Variants in EFCAB13 observed in about 807,000 individuals in gnomAD.
EFCAB13 encodes EF-hand calcium binding domain 13, also known as EF-hand calcium-binding domain-containing protein 13.
Under a neutral mutation model 110.2 loss-of-function variants are expected in EFCAB13, and 91 were observed. The observed-to-expected ratio is 0.83, with a 90% confidence interval of 0.70 to 0.98. The LOEUF is 0.98. EFCAB13 is among the 50% of genes least tolerant of loss of function. The probability of loss-of-function intolerance (pLI) is 0.00; values close to 1 mark genes in which losing one functional copy is unlikely to be tolerated. For missense variants in EFCAB13, 968 were observed against 1,119.4 expected, an observed-to-expected ratio of 0.86 and a Z score of 1.93; for synonymous variants, 323 against 369.9, an observed-to-expected ratio of 0.87 and a Z score of 1.45.
chr17:47,410,063 G>A (rs1197427165), intron 21 of EFCAB13, among the ~76,000 whole-genome samples: 1 of 151,512 alleles, frequency 6.6e-6, no homozygotes, highest in Non-Finnish European at 1.5e-5. Context: ...TTTGCCTACT[G>A]TTGTAGTCTG....
intron 14 of EFCAB13, 123 bp from the exon 15 acceptor site, chr17:47,391,314 A>G (rs2065706300): frequency 4.6e-6 from 3 of 653,532 alleles, no homozygotes; most frequent in Non-Finnish European, 2.3e-6. Context: ...CTTTTAGTAT[A>G]TAACACTGCT....
At position 47,431,126 on chromosome 17, in the gene EFCAB13, ACT is replaced by A. The variant is rs1454264379; in HGVS notation, c.2638+1168_2638+1169del. On this transcript the variant is annotated intron_variant, in intron 24 of 24. Transcript: ENST00000331493. The surrounding 1 kb of genome is among the most constrained non-coding windows in gnomAD (Gnocchi z 4.1). Reference sequence around the variant, plus strand: ...TTTGTGTTAGAAACATTCCAATTTCACTCTTTGTTATTTTGAAATATAAAATA... The same window carrying A: ...TTTGTGTTAGAAACATTCCAATTTCACTTTGTTATTTTGAAATATAAAATA... Among the ~76,000 whole-genome samples the A allele has an allele frequency of 2.0e-5, 3 of 151,782 alleles. No individual in the cohort carries two copies. The highest frequency in any genetic ancestry group is 4.8e-5 in the African/African-American group (2 of 41,354).
At chr17:47,325,664 A>G (rs1801763361) in intron 2 of EFCAB13, among the ~76,000 whole-genome samples, 1 of 151,828 alleles carries the variant, frequency 6.6e-6, no homozygotes, top group African/African-American at 2.4e-5. Flanking sequence ...CTTCCCTAAG[A>G]TATTAATCAG....
rs749380474 is a variant in EFCAB13 at position 47,370,475 on chromosome 17, TTGAA to T, written c.848_851del (p.Asn283SerfsTer17). On this transcript the variant is annotated frameshift_variant, in exon 11 of 25. Coordinates refer to ENST00000331493, the MANE Select transcript of EFCAB13 (RefSeq NM_152347.5). LOFTEE classifies it high-confidence loss of function. ...GGATATTGGGGATATTATATTTACT[TTGAA>T]TGAGCTACAGGAACAGTATGAGGAT... 1.6e-5 allele frequency: 26 copies of T among 1,608,068 alleles called. No individual in the cohort carries two copies. Among genetic ancestry groups the T allele is most frequent in the East Asian group, 8.9e-5 (4 of 44,702 alleles).
At chr17:47,373,477 A>G (rs2065596985) in intron 11 of EFCAB13, among the ~76,000 whole-genome samples, 1 of 152,038 alleles carries the variant, frequency 6.6e-6, no homozygotes, top group African/African-American at 2.4e-5. Flanking sequence ...CTCTTTTGGT[A>G]GTATTATGTC....
intron 14 of EFCAB13, among the ~76,000 whole-genome samples, chr17:47,384,555 A>G (rs538682840): frequency 1.3e-5 from 2 of 152,144 alleles, no homozygotes; most frequent in South Asian, 2.1e-4. Flanking sequence ...AAAATCCCTC[A>G]GCGTTTGCTT....
intron 9 of EFCAB13, among the ~76,000 whole-genome samples, chr17:47,353,535 A>G (rs566131282): frequency 1.3e-5 from 2 of 152,184 alleles, no homozygotes; most frequent in South Asian, 4.1e-4. Context: ...ACCTCAAGTG[A>G]TCCGCCTGCC....
intron 12 of EFCAB13, among the ~76,000 whole-genome samples, chr17:47,376,550 TG>T (rs139832352): frequency 0.032 from 4,820 of 152,276 alleles, 267 homozygotes; most frequent in African/African-American, 0.11. Context: ...GGAATATGAC[TG>T]CCTGTATGAT....
intron 23 of EFCAB13, chr17:47,423,347 AATTTTGTACTGTAC>A (rs2143500052): frequency 6.5e-6 from 1 of 153,982 alleles, no homozygotes; most frequent in East Asian, 1.9e-4. Context: ...CAGATAAAAA[AATTTTGTACTGTAC>A]TTGCAATTTT....
At chr17:47,327,158 T>A (rs1028120678) in intron 3 of EFCAB13, among the ~76,000 whole-genome samples, 10 of 151,118 alleles carry the variant, frequency 6.6e-5, no homozygotes, top group African/African-American at 2.4e-4. Context: ...CTTTCTTTAT[T>A]TTGTTTTGTT....
intron 9 of EFCAB13, among the ~76,000 whole-genome samples, chr17:47,361,154 A>T (rs2065510313): frequency 6.6e-6 from 1 of 152,132 alleles, no homozygotes; most frequent in South Asian, 2.1e-4. Context: ...TGTGCTAAGG[A>T]TTGTTAACAT....
At chr17:47,408,424 G>GCAGAT (rs972100918) in intron 20 of EFCAB13, among the ~76,000 whole-genome samples, 5 of 152,172 alleles carry the variant, frequency 3.3e-5, no homozygotes, top group African/African-American at 9.7e-5. Context: ...GCCAAGGCGG[G>GCAGAT]CAGATCACCT....
intron 16 of EFCAB13, among the ~76,000 whole-genome samples, chr17:47,395,172 C>T (rs902824298): frequency 5.9e-5 from 9 of 152,182 alleles, no homozygotes; most frequent in Admixed American, 1.3e-4. Flanking sequence ...TCTGGCAAAA[C>T]TCTCAACCCC....
At chr17:47,353,571 C>T (rs1456529376) in intron 9 of EFCAB13, among the ~76,000 whole-genome samples, 4 of 152,138 alleles carry the variant, frequency 2.6e-5, no homozygotes, top group African/African-American at 9.7e-5. Flanking sequence ...GTTGGAATTA[C>T]AGGTGTGAGC....
intron 4 of EFCAB13, among the ~76,000 whole-genome samples, chr17:47,333,514 G>C (rs946956933): frequency 1.1e-4 from 16 of 152,058 alleles, no homozygotes; most frequent in African/African-American, 3.9e-4. Flanking sequence ...TCATTCCCCA[G>C]ACCAATGTGG....
chr17:47,378,510 T>C (rs188830686), intron 13 of EFCAB13, among the ~76,000 whole-genome samples: 1 of 152,264 alleles, frequency 6.6e-6, no homozygotes, highest in African/African-American at 2.4e-5. Context: ...GAAAGACTGA[T>C]TGGAGAATAA....
chr17:47,325,788 C>T (rs963849131), intron 2 of EFCAB13, among the ~76,000 whole-genome samples: 7 of 151,364 alleles, frequency 4.6e-5, no homozygotes, highest in African/African-American at 1.7e-4. Flanking sequence ...ATTTCATATT[C>T]CCCTCCCTGC....
intron 9 of EFCAB13, among the ~76,000 whole-genome samples, chr17:47,360,454 C>T (rs1199134896): frequency 6.6e-6 from 1 of 152,130 alleles, no homozygotes; most frequent in Non-Finnish European, 1.5e-5. Context: ...ATATCCTTTG[C>T]CCACTTTTTG....
At chr17:47,428,148 TA>T (rs1309888193) in intron 23 of EFCAB13, among the ~76,000 whole-genome samples, 1 of 152,024 alleles carries the variant, frequency 6.6e-6, no homozygotes, top group Non-Finnish European at 1.5e-5. Context: ...GAAATCATAA[TA>T]AAAAATGTTT....
Sources: gnomAD v4.1 joint callset for allele counts (sites outside exome capture counted in the v4.1 genomes callset) on GRCh38, gnomAD v4.1.1 for gene constraint, Gnocchi (gnomAD v3.1) non-coding constraint, MANE v1.5 for transcripts, NCBI Gene and HGNC (gene_info 2026-07-23, HGNC 2026-07-21) for gene names.